The following ZC3H12B variants were observed in gnomAD, a reference collection of about 807,000 sequenced individuals.
ZC3H12B encodes probable ribonuclease ZC3H12B.
ZC3H12B carries 7 observed loss-of-function variants against 43.9 expected under a neutral mutation model. The observed-to-expected ratio is 0.16, with a 90% CI of 0.09 to 0.30. The LOEUF is 0.30. Ranked by LOEUF, ZC3H12B falls within the 10% of genes least tolerant of loss-of-function variation. The probability of loss-of-function intolerance (pLI) is 1.00; values close to 1 mark genes in which losing one functional copy is unlikely to be tolerated. For synonymous variants in ZC3H12B, 222 were observed against 241.7 expected (o/e 0.92, Z 0.76); for missense variants, 475 against 670.2 (o/e 0.71, Z 3.22).
chrX:65,155,107 C>T, the ZC3H12B span, among the ~76,000 whole-genome samples: 3 of 109,780 alleles, frequency 2.7e-5, no homozygotes, highest in East Asian at 2.9e-4. Context: ...AGACATGCAA[C>T]CACCAAACCT....
At chrX:65,148,762 C>T in the ZC3H12B span, among the ~76,000 whole-genome samples, 6 of 111,823 alleles carry the variant, frequency 5.4e-5, no homozygotes, top group Non-Finnish European at 1.1e-4. Flanking sequence ...TTCTGTGCTA[C>T]ACCCAGATGT....
At chrX:65,396,169 G>A (rs1041371958) in intron 2 of ZC3H12B, among the ~76,000 whole-genome samples, 4 of 111,412 alleles carry the variant, frequency 3.6e-5, no homozygotes, top group Non-Finnish European at 7.5e-5. Flanking sequence ...GGTTTTTCAT[G>A]TCTCTATCTT....
At chrX:65,098,888 C>G in the ZC3H12B span, among the ~76,000 whole-genome samples, 12 of 110,343 alleles carry the variant, frequency 1.1e-4, no homozygotes, top group Non-Finnish European at 3.8e-5. Context: ...CAGAATTGTT[C>G]ACTCCTCCGA....
chrX:65,263,604 A>T, the ZC3H12B span, among the ~76,000 whole-genome samples: 1 of 111,310 alleles, frequency 9.0e-6, no homozygotes, highest in Non-Finnish European at 1.9e-5. Context: ...TAAAAATGGA[A>T]TATAAGATAG....
the ZC3H12B span, among the ~76,000 whole-genome samples, chrX:65,279,254 C>G: frequency 9.1e-6 from 1 of 109,499 alleles, no homozygotes; most frequent in Non-Finnish European, 1.9e-5. Flanking sequence ...TCCACTCTCA[C>G]CAATGGTGTG....
intron 2 of ZC3H12B, among the ~76,000 whole-genome samples, chrX:65,390,825 C>T (rs1212081755): frequency 3.6e-5 from 4 of 111,847 alleles, no homozygotes; most frequent in Non-Finnish European, 7.5e-5. Context: ...TATGTTAGGT[C>T]AAGAAGCAAG....
chrX:65,500,578 A>T (rs2068351266), intron 4 of ZC3H12B, among the ~76,000 whole-genome samples: 1 of 110,513 alleles, frequency 9.0e-6, no homozygotes, highest in African/African-American at 3.3e-5. Flanking sequence ...CAGGTGCATG[A>T]TGCCAAGCCC....
intron 2 of ZC3H12B, among the ~76,000 whole-genome samples, chrX:65,386,456 G>C (rs1365024620): frequency 2.7e-5 from 3 of 111,845 alleles, no homozygotes; most frequent in Non-Finnish European, 5.6e-5. Context: ...AGTATTCTCT[G>C]ATGGTAGTTT....
intron 3 of ZC3H12B, among the ~76,000 whole-genome samples, chrX:65,448,528 G>C (rs1465987386): frequency 1.8e-5 from 2 of 111,302 alleles, no homozygotes; most frequent in Non-Finnish European, 3.8e-5. Flanking sequence ...GGATAAAGAA[G>C]ATGTGGGACC....
the ZC3H12B span, among the ~76,000 whole-genome samples, chrX:65,173,570 G>T: frequency 6.3e-5 from 7 of 111,855 alleles, no homozygotes; most frequent in Non-Finnish European, 3.8e-5. Flanking sequence ...GTCATAAACA[G>T]CTCTTATTAT....
the ZC3H12B span, among the ~76,000 whole-genome samples, chrX:65,099,509 G>A: frequency 9.0e-6 from 1 of 111,653 alleles, no homozygotes; most frequent in Non-Finnish European, 1.9e-5. Flanking sequence ...GCCACTCTGG[G>A]ACAAAGCTTC....
upstream of ZC3H12B, among the ~76,000 whole-genome samples, chrX:65,484,548 T>A (rs1389747814): frequency 3.6e-5 from 4 of 111,708 alleles, no homozygotes; most frequent in Non-Finnish European, 7.5e-5. Context: ...TGAAAAAAAA[T>A]TGCTATAAGT....
intron 3 of ZC3H12B, among the ~76,000 whole-genome samples, chrX:65,418,707 G>A (rs752474747): frequency 8.9e-6 from 1 of 111,853 alleles, no homozygotes; most frequent in East Asian, 2.8e-4. Flanking sequence ...GATAGTTCTA[G>A]GTCAAGTGAA....
At chrX:65,290,616 A>G in the ZC3H12B span, among the ~76,000 whole-genome samples, 2 of 111,605 alleles carry the variant, frequency 1.8e-5, no homozygotes, top group Admixed American at 9.5e-5. Context: ...AGTATTCCTC[A>G]ATAGATGAAT....
At chrX:65,164,083 G>A in the ZC3H12B span, among the ~76,000 whole-genome samples, 3 of 112,182 alleles carry the variant, frequency 2.7e-5, no homozygotes, top group South Asian at 7.3e-4. Flanking sequence ...TTGCAACAAA[G>A]AAATAGTTTA....
At chrX:65,126,187 G>T in the ZC3H12B span, among the ~76,000 whole-genome samples, 1 of 110,153 alleles carries the variant, frequency 9.1e-6, no homozygotes, top group African/African-American at 3.3e-5. Context: ...CTTGGTAGTG[G>T]CATATTCTCT....
At chrX:65,126,794 T>C in the ZC3H12B span, among the ~76,000 whole-genome samples, 1 of 107,083 alleles carries the variant, frequency 9.3e-6, no homozygotes, top group East Asian at 3.0e-4. Flanking sequence ...TTGCTGAGAC[T>C]TTCCAACATA....
intron 3 of ZC3H12B, among the ~76,000 whole-genome samples, chrX:65,458,324 T>C (rs1254589430): frequency 9.1e-6 from 1 of 110,461 alleles, no homozygotes; most frequent in Non-Finnish European, 1.9e-5. Context: ...AACAAGGATA[T>C]CCAGGAATTG....
At chrX:65,367,499 G>A (rs1409146736) in intron 1 of ZC3H12B, among the ~76,000 whole-genome samples, 1 of 111,485 alleles carries the variant, frequency 9.0e-6, no homozygotes, top group Non-Finnish European at 1.9e-5. Flanking sequence ...ATTTGCTTAT[G>A]TATAAATGAA....
Sources: allele counts gnomAD v4.1 joint callset (sites outside exome capture counted in the v4.1 genomes callset), GRCh38; gene constraint gnomAD v4.1.1; transcripts MANE v1.5; gene names NCBI Gene and HGNC (gene_info 2026-07-23, HGNC 2026-07-21).